Variants in BCKDHB observed in about 807,000 individuals in gnomAD.
BCKDHB encodes the protein branched chain keto acid dehydrogenase E1 subunit beta, also known as 2-oxoisovalerate dehydrogenase subunit beta, mitochondrial.
A neutral mutation model predicts 48.5 loss-of-function variants in BCKDHB; 41 were observed. That is an observed-to-expected ratio of 0.85 (90% CI 0.66 to 1.10). The LOEUF is 1.10. Ranked by LOEUF, BCKDHB falls within the 50% of genes least tolerant of loss-of-function variation. The pLI is 0.00. For missense variants in BCKDHB, 496 were observed against 494.2 expected (o/e 1.00, Z -0.03); for synonymous variants, 201 against 174.8 (o/e 1.15, Z -1.18).
chr6:80,414,063 T>G, the BCKDHB span, among the ~76,000 whole-genome samples: 3 of 152,222 alleles, frequency 2.0e-5, no homozygotes, highest in Non-Finnish European at 4.4e-5. Context: ...ATGTTGAGTT[T>G]TTCTTCATAT....
chr6:80,117,971 C>G (rs1381548286), intron 1 of BCKDHB, among the ~76,000 whole-genome samples: 1 of 152,124 alleles, frequency 6.6e-6, no homozygotes, highest in Non-Finnish European at 1.5e-5. Flanking sequence ...CATTTTTATT[C>G]TGGCTAGGTT....
rs535523110 is a variant in BCKDHB at position 80,126,717 on chromosome 6, G to T, written c.197-830G>T. On this transcript the variant is annotated intron_variant, in intron 1 of 9. Coordinates refer to ENST00000320393, the MANE Select transcript of BCKDHB (RefSeq NM_183050.4). ...ACTTAAAGTTTTGGGATGACTGTGGGCATTGGGCAGCACCTGAGCTTGAAT... is the reference window on the plus strand; with the variant it reads ...ACTTAAAGTTTTGGGATGACTGTGGTCATTGGGCAGCACCTGAGCTTGAAT... 3.3e-5 allele frequency among the ~76,000 whole-genome samples: 5 copies of T among 152,192 alleles called. No individual in the cohort carries two copies. The South Asian group carries it at 1.0e-3, about 32-fold the overall frequency.
chr6:80,440,863 T>C, the BCKDHB span: 7 of 152,146 alleles, frequency 4.6e-5, no homozygotes, highest in African/African-American at 1.4e-4. Flanking sequence ...GACTCTTTGT[T>C]TGATGGCTTT....
At chr6:80,385,559 C>T in the BCKDHB span, among the ~76,000 whole-genome samples, 39 of 152,310 alleles carry the variant, frequency 2.6e-4, 2 homozygotes, top group South Asian at 7.5e-3. Context: ...ATCAGCCTTT[C>T]CACCTTTGTC....
intron 9 of BCKDHB, among the ~76,000 whole-genome samples, chr6:80,303,268 C>G (rs1274803792): frequency 6.6e-6 from 1 of 151,966 alleles, no homozygotes; most frequent in Non-Finnish European, 1.5e-5. Context: ...CCACTGGCAT[C>G]GAGGTGGAGC....
rs1211236687 is a variant in BCKDHB, at chr6:80,167,560, T to C, written c.344-118T>C. 1.9e-5 allele frequency: 21 copies of C among 1,118,064 alleles called. No individual in the cohort carries two copies. The South Asian group carries it at 2.5e-4, about 13-fold the overall frequency. The allele number at this position is 1,118,064 out of a possible 1,614,324, so 69.3% of individuals were successfully genotyped here. A position where few individuals can be genotyped will look rare whatever the true frequency, so the allele number is the denominator to read the frequency against. ...GCTAGCCATACTCTTTATTTTCTGTTTCCTCTACCTGTTCTATACTTCTCC... is the reference window on the plus strand; with the variant it reads ...GCTAGCCATACTCTTTATTTTCTGTCTCCTCTACCTGTTCTATACTTCTCC... On this transcript the variant is annotated intron_variant, in intron 3 of 9. Transcript: ENST00000320393.
the BCKDHB span, among the ~76,000 whole-genome samples, chr6:80,393,933 A>AT: frequency 6.6e-6 from 1 of 152,298 alleles, no homozygotes; most frequent in African/African-American, 2.4e-5. Flanking sequence ...TCTAAAACAT[A>AT]TTTTTTAAAA....
intron 8 of BCKDHB, among the ~76,000 whole-genome samples, chr6:80,248,790 C>T (rs1776716489): frequency 6.6e-6 from 1 of 151,904 alleles, no homozygotes; most frequent in Non-Finnish European, 1.5e-5. Context: ...TAATTGAAGC[C>T]AAGGGAGTGA....
At chr6:80,164,243 T>G (rs969655324) in intron 3 of BCKDHB, among the ~76,000 whole-genome samples, 3 of 152,206 alleles carry the variant, frequency 2.0e-5, no homozygotes, top group Non-Finnish European at 2.9e-5. Flanking sequence ...CTCCTACTAC[T>G]CTTTCTTTTA....
chr6:80,374,360 A>G, the BCKDHB span: 1 of 832,426 alleles, frequency 1.2e-6, no homozygotes, highest in African/African-American at 1.7e-5. Flanking sequence ...TGGCCTGGGC[A>G]CACCTGCCAA....
intron 6 of BCKDHB, among the ~76,000 whole-genome samples, chr6:80,198,349 A>G (rs184565751): frequency 1.3e-5 from 2 of 152,352 alleles, no homozygotes; most frequent in Admixed American, 1.3e-4. Context: ...ATGAATGCTT[A>G]TAAGTTTTCT....
In BCKDHB at chr6:80,129,176, A is replaced by G; in HGVS notation, c.290A>G (p.Asp97Gly). ...TGTTTTTCAGTAATATTTGGTGAAG[A>G]TGTTGCCTTTGGTGGAGTCTTTAGA... ...KDPTAVIFGEDVAFGGVFRCT... is the reference protein window; with the variant it reads ...KDPTAVIFGEGVAFGGVFRCT... The change falls in exon 3 of 10, where the codon GAT becomes GGT. Residue 97 changes from aspartate to glycine, a missense_variant. Physicochemically the swap from Asp to Gly is moderately conservative, Grantham distance 94. Coordinates refer to ENST00000320393, the MANE Select transcript of BCKDHB (RefSeq NM_183050.4). The G allele has an allele frequency of 2.5e-6, 4 of 1,609,434 alleles. No individual in the cohort carries two copies. Among genetic ancestry groups the G allele is most frequent in the Non-Finnish European group, 3.4e-6 (4 of 1,176,894 alleles).
At chr6:80,212,067 C>G (rs767495351) in intron 8 of BCKDHB, among the ~76,000 whole-genome samples, 5 of 152,114 alleles carry the variant, frequency 3.3e-5, no homozygotes, top group African/African-American at 9.7e-5. Context: ...CAACAAAGAT[C>G]ACAAGGCAAA....
At chr6:80,236,453 T>G (rs1172826779) in intron 8 of BCKDHB, among the ~76,000 whole-genome samples, 2 of 152,234 alleles carry the variant, frequency 1.3e-5, no homozygotes, top group African/African-American at 4.8e-5. Context: ...ACCTATAGTT[T>G]AGCTGGAAAA....
the BCKDHB span, among the ~76,000 whole-genome samples, chr6:80,362,126 G>C: frequency 6.6e-6 from 1 of 152,118 alleles, no homozygotes; most frequent in Non-Finnish European, 1.5e-5. Flanking sequence ...GGACAAACAT[G>C]GACTAGAACT....
At chr6:80,346,865 C>T (rs1412756162), downstream of BCKDHB, among the ~76,000 whole-genome samples, 1 of 152,048 alleles carries the variant, frequency 6.6e-6, no homozygotes, top group Non-Finnish European at 1.5e-5. Context: ...AACCCCTCAT[C>T]CCTGACACAC....
chr6:80,349,490 A>T (rs1304407371), downstream of BCKDHB, among the ~76,000 whole-genome samples: 1 of 152,244 alleles, frequency 6.6e-6, no homozygotes, highest in East Asian at 1.9e-4. Context: ...AAATGTAATC[A>T]GGTGAATTCC....
chr6:80,134,995 G>A (rs1339196062), intron 3 of BCKDHB, among the ~76,000 whole-genome samples: 8 of 152,028 alleles, frequency 5.3e-5, no homozygotes, highest in African/African-American at 1.7e-4. Context: ...CAAGTGATCC[G>A]CCAGCCTTGG....
chr6:80,287,609 A>G (rs1766691114), intron 9 of BCKDHB, among the ~76,000 whole-genome samples: 1 of 152,096 alleles, frequency 6.6e-6, no homozygotes. Flanking sequence ...AGCAAAAGGA[A>G]AGTTCTCAGC....
Sources: allele counts gnomAD v4.1 joint callset (sites outside exome capture counted in the v4.1 genomes callset), GRCh38; gene constraint gnomAD v4.1.1; transcripts MANE v1.5; gene names NCBI Gene and HGNC (gene_info 2026-07-23, HGNC 2026-07-21).